Variants in LANCL2 observed in about 807,000 individuals in gnomAD.
LANCL2 encodes the protein lanC-like protein 2.
LANCL2 carries 33 observed loss-of-function variants against 56.9 expected under a neutral mutation model. The observed-to-expected ratio is 0.58, with a 90% confidence interval of 0.44 to 0.78. The LOEUF is 0.78. Among genes scored for constraint, LANCL2 ranks in the 30% least tolerant of loss-of-function variants. The pLI is 0.00. For missense variants in LANCL2, 562 were observed against 580.2 expected (o/e 0.97, Z 0.32); for synonymous variants, 233 against 228.2 (o/e 1.02, Z -0.19).
intron 7 of LANCL2, 80 bp from the exon 8 acceptor site, chr7:55,428,295 G>A (rs965050908): frequency 2.8e-5 from 36 of 1,277,404 alleles, no homozygotes; most frequent in African/African-American, 2.9e-5. Flanking sequence ...CCTGATGCCT[G>A]TGAAGACATT....
intron 1 of LANCL2, 121 bp downstream of exon 1, chr7:55,366,350 C>T (rs970457801): frequency 1.0e-5 from 8 of 799,148 alleles, no homozygotes; most frequent in Non-Finnish European, 1.5e-5. Flanking sequence ...GGGATGATAG[C>T]GCCTAGCACC....
intron 1 of LANCL2, among the ~76,000 whole-genome samples, chr7:55,381,710 A>C (rs1790071194): frequency 6.6e-6 from 1 of 152,244 alleles, no homozygotes; most frequent in South Asian, 2.1e-4. Context: ...AAAACAAATA[A>C]GTGTTTTAAT....
rs867622194 is a variant in LANCL2, at chr7:55,415,003, A to G, written c.1008+2914A>G. On this transcript the variant is annotated intron_variant, in intron 6 of 8. Coordinates refer to ENST00000254770, the MANE Select transcript of LANCL2 (RefSeq NM_018697.4). ...TACCTCAAAAAAAAAAAAAAAAAAGAAAAGAAAAGAAAAAGGCAAGGTTTT... is the reference window on the plus strand; with the variant it reads ...TACCTCAAAAAAAAAAAAAAAAAAGGAAAGAAAAGAAAAAGGCAAGGTTTT... Among the ~76,000 whole-genome samples the G allele has an allele frequency of 2.5e-4, 19 of 76,222 alleles. 1 individual carries two copies. Among genetic ancestry groups the G allele is most frequent in the African/African-American group, 8.3e-4 (19 of 22,756 alleles). The allele number at this position is 76,222 out of a possible 152,430, so 50.0% of individuals were successfully genotyped here. A position where few individuals can be genotyped will look rare whatever the true frequency, so the allele number is the denominator to read the frequency against.
chr7:55,426,555 G>A (rs976346466), intron 7 of LANCL2, among the ~76,000 whole-genome samples: 1 of 152,174 alleles, frequency 6.6e-6, no homozygotes, highest in Non-Finnish European at 1.5e-5. Flanking sequence ...ACTGGAAAAT[G>A]CACACACATC....
intron 1 of LANCL2, among the ~76,000 whole-genome samples, chr7:55,391,307 C>T (rs756230764): frequency 6.6e-5 from 10 of 152,080 alleles, no homozygotes; most frequent in Non-Finnish European, 1.0e-4. Flanking sequence ...CGTGAGCCAC[C>T]GCGCCCGGCC....
chr7:55,421,270 C>CT (rs34722633), intron 6 of LANCL2, among the ~76,000 whole-genome samples: 45,440 of 130,012 alleles, frequency 0.35, 7,993 homozygotes, highest in East Asian at 0.53. Flanking sequence ...TCTTTCCTGC[C>CT]TTTTTTTTTT....
At chr7:55,391,014 C>CTTTTTT (rs576740411) in intron 1 of LANCL2, among the ~76,000 whole-genome samples, 4 of 113,718 alleles carry the variant, frequency 3.5e-5, no homozygotes, top group African/African-American at 1.4e-4. Flanking sequence ...AGTGATTGAA[C>CTTTTTT]TTTTTTTTTT....
intron 4 of LANCL2, 81 bp from the exon 5 acceptor site, chr7:55,401,078 CTCTATATATGTCATA>C: frequency 1.1e-6 from 1 of 911,590 alleles, no homozygotes; most frequent in Non-Finnish European, 1.6e-6. Context: ...CTGCCTCTCT[CTCTATATATGTCATA>C]TATATATGAC....
chr7:55,392,810 A>G (rs1311718145), intron 2 of LANCL2, among the ~76,000 whole-genome samples: 2 of 152,146 alleles, frequency 1.3e-5, no homozygotes, highest in South Asian at 4.1e-4. Context: ...ATAGCTGTCT[A>G]TGAAAATGTG....
At chr7:55,411,817 C>T (rs1430027319) in intron 5 of LANCL2, 90 bp from the exon 6 acceptor site, 87 of 1,232,228 alleles carry the variant, frequency 7.1e-5, no homozygotes, top group Middle Eastern at 2.1e-4. Context: ...TTTTGTTTTC[C>T]AGGTAATTGA....
Position 55,365,883 on chromosome 7 carries a change from G to GC in LANCL2, c.-139dup, listed in dbSNP as rs1382775942. 1.7e-6 allele frequency: 1 copy of GC among 573,654 alleles called. No homozygotes were observed. Among genetic ancestry groups the GC allele is most frequent in the Non-Finnish European group, 2.9e-6 (1 of 350,532 alleles). 35.5% of individuals were successfully genotyped at this position (573,654 alleles called of 1,614,324 possible). A position where few individuals can be genotyped will look rare whatever the true frequency, so the allele number is the denominator to read the frequency against. ...GCGACGAGGCAGTGCACGCTCAGAC[G>GC]CCCCGCTCCTCCCGCCAGCGCGCGG... On this transcript the variant is annotated 5_prime_UTR_variant, in exon 1 of 9. An upstream open reading frame in the 5' UTR loses its in-frame stop. Transcript: ENST00000254770.
chr7:55,399,815 C>G, intron 3 of LANCL2, 142 bp from the exon 4 acceptor site: 1,436 of 532,526 alleles, frequency 2.7e-3, no homozygotes, highest in East Asian at 3.2e-3. Flanking sequence ...TTGTTGTGTT[C>G]TGGATTTGGG....
chr7:55,428,393 G>C lies in LANCL2; in HGVS notation c.1204G>C (p.Asp402His), dbSNP rs757379945. ...TTTTCAGTTTGCAGAGTGGTGTCTA[G>C]ATTACGGAGCACACGGGTGCCGCAT... ...RACKFAEWCLDYGAHGCRIPD... is the reference protein window; with the variant it reads ...RACKFAEWCLHYGAHGCRIPD... The change falls in exon 8 of 9, where the codon GAT (aspartate) becomes CAT (histidine). Residue 402 changes from aspartate (D) to histidine (H), a missense_variant. Asp to His is a moderately conservative substitution (Grantham distance 81, BLOSUM62 -1). Coordinates refer to ENST00000254770, the MANE Select transcript of LANCL2 (RefSeq NM_018697.4). 1.2e-6 allele frequency: 2 copies of C among 1,614,176 alleles called. No homozygotes were observed. The highest frequency in any genetic ancestry group is 3.3e-5 in the Admixed American group (2 of 60,020).
intron 1 of LANCL2, among the ~76,000 whole-genome samples, chr7:55,379,097 C>T (rs1279348392): frequency 6.6e-6 from 1 of 152,220 alleles, no homozygotes; most frequent in Non-Finnish European, 1.5e-5. Flanking sequence ...TTGCAGTGAA[C>T]CAAGATCACG....
At chr7:55,383,528 A>G (rs753760387) in intron 1 of LANCL2, among the ~76,000 whole-genome samples, 1 of 152,168 alleles carries the variant, frequency 6.6e-6, no homozygotes, top group Admixed American at 6.5e-5. Flanking sequence ...TGTTGGGCAG[A>G]TCTAGTTTTT....
intron 1 of LANCL2, among the ~76,000 whole-genome samples, chr7:55,383,665 A>G (rs1254844844): frequency 1.3e-5 from 2 of 152,182 alleles, no homozygotes; most frequent in Non-Finnish European, 2.9e-5. Flanking sequence ...CCCTTATCCT[A>G]TCGCCTAAAA....
intron 6 of LANCL2, among the ~76,000 whole-genome samples, chr7:55,425,003 T>C (rs1750837024): frequency 6.6e-6 from 1 of 152,142 alleles, no homozygotes; most frequent in Admixed American, 6.5e-5. Flanking sequence ...TTCCTGGCCA[T>C]TGAAAAATGG....
Position 55,425,420 on chromosome 7 carries a change from G to A in LANCL2, c.1175G>A (p.Arg392Gln), listed in dbSNP as rs1272299506. 27 of 1,613,744 alleles carry A rather than the reference G, an allele frequency of 1.7e-5. No individual in the cohort carries two copies. The highest frequency in any genetic ancestry group is 9.9e-5 in the South Asian group (9 of 91,060). The part of the protein sequence containing the change: ...RLTQDKKYLY[R>Q]ACKFAEWCLD... ...ACGCAGGATAAGAAGTACCTCTACC[G>A]AGCTTGCAAGGTGAGGGTGGCTCTG... Residue 392 changes from arginine to glutamine, a missense_variant, in exon 7 of 9, where the codon CGA becomes CAA. Around this residue, in one of 2 missense-constraint regions of LANCL2, gnomAD observed 378 missense variants for 468.4 expected, o/e 0.81. Coordinates refer to ENST00000254770, the MANE Select transcript of LANCL2 (RefSeq NM_018697.4).
At chr7:55,394,955 C>T (rs974074347) in intron 2 of LANCL2, among the ~76,000 whole-genome samples, 12 of 152,106 alleles carry the variant, frequency 7.9e-5, no homozygotes, top group Non-Finnish European at 1.6e-4. Flanking sequence ...CAAGGTGGAG[C>T]GGCATCCTTG....
Sources: allele counts gnomAD v4.1 joint callset (sites outside exome capture counted in the v4.1 genomes callset), GRCh38; gene constraint gnomAD v4.1.1; regional missense constraint gnomAD v4.1.1; transcripts MANE v1.5; gene names NCBI Gene and HGNC (gene_info 2026-07-23, HGNC 2026-07-21).